Variants in TGFBR3 observed in about 807,000 individuals in gnomAD.
TGFBR3 encodes transforming growth factor beta receptor 3, also known as transforming growth factor beta receptor type 3.
Under a neutral mutation model 87.9 loss-of-function variants are expected in TGFBR3, and 46 were observed. The ratio of observed to expected loss-of-function variants is 0.52; its 90% CI spans 0.41 to 0.67. TGFBR3 has a LOEUF of 0.67. Ranked by LOEUF, TGFBR3 falls within the 30% of genes least tolerant of loss-of-function variation. The pLI is 0.00. For synonymous variants in TGFBR3, 381 were observed against 391.6 expected (o/e 0.97, Z 0.32); for missense variants, 866 against 1,041.9 (o/e 0.83, Z 2.32).
chr1:91,800,911 C>T (rs1429383621), intron 2 of TGFBR3: 3 of 196,064 alleles, frequency 1.5e-5, no homozygotes, highest in South Asian at 7.0e-5. Context: ...ATGGTAAACC[C>T]CGTGTCTACT....
chr1:91,873,475 T>TG (rs1235711777), intron 1 of TGFBR3, among the ~76,000 whole-genome samples: 1 of 151,534 alleles, frequency 6.6e-6, no homozygotes. Flanking sequence ...TTAGTAAAGA[T>TG]GGGGCTTTAC....
chr1:91,772,970 G>GA (rs1469909659), intron 3 of TGFBR3, among the ~76,000 whole-genome samples: 4 of 152,078 alleles, frequency 2.6e-5, no homozygotes, highest in Non-Finnish European at 5.9e-5. Flanking sequence ...CCCTCAAGGA[G>GA]AAAAAAAGTT....
At chr1:91,847,833 G>A (rs756647703) in intron 2 of TGFBR3, among the ~76,000 whole-genome samples, 2 of 151,932 alleles carry the variant, frequency 1.3e-5, no homozygotes. Flanking sequence ...CAATGACCCC[G>A]CCCTCAGTGA....
intron 2 of TGFBR3, among the ~76,000 whole-genome samples, chr1:91,850,232 A>G (rs978601328): frequency 1.3e-5 from 2 of 152,180 alleles, no homozygotes; most frequent in African/African-American, 4.8e-5. Flanking sequence ...CCAGACTACA[A>G]GTCTTCATCT....
chr1:91,683,813 AGGCTGGC>A lies in TGFBR3; in HGVS notation c.2475_2481del (p.Pro826ArgfsTer51). 1.2e-6 allele frequency: 2 copies of A among 1,609,142 alleles called. No individual in the cohort carries two copies. The highest frequency in any genetic ancestry group is 1.7e-6 in the Non-Finnish European group (2 of 1,178,240). On this transcript the variant is annotated frameshift_variant, in exon 17 of 17. Coordinates refer to ENST00000212355, the MANE Select transcript of TGFBR3 (RefSeq NM_003243.5). LOFTEE classifies it high-confidence loss of function. ...CTGTGGGCAGCACTGCTGTTTTCCG[AGGCTGGC>A]GGGGAGGTGGGGACTTGCTGCCTTC... is the stretch of plus-strand genomic sequence containing the variant.
At chr1:91,773,517 T>TA (rs1249283525) in intron 3 of TGFBR3, among the ~76,000 whole-genome samples, 1 of 152,024 alleles carries the variant, frequency 6.6e-6, no homozygotes, top group Non-Finnish European at 1.5e-5. Context: ...CCGTCTCTAC[T>TA]AAAAAATACA....
intron 4 of TGFBR3, among the ~76,000 whole-genome samples, chr1:91,740,947 G>A (rs558566951): frequency 6.6e-6 from 1 of 152,344 alleles, no homozygotes; most frequent in African/African-American, 2.4e-5. Flanking sequence ...ATAACTGCAA[G>A]AGTGTATAGG....
intron 10 of TGFBR3, among the ~76,000 whole-genome samples, chr1:91,717,168 G>GT (rs916522946): frequency 1.6e-4 from 24 of 152,076 alleles, no homozygotes; most frequent in Admixed American, 1.4e-3. Flanking sequence ...TCCTTTAAGA[G>GT]TTGTAGAAAG....
At chr1:91,799,824 G>A (rs1348981381) in intron 2 of TGFBR3, among the ~76,000 whole-genome samples, 1 of 152,022 alleles carries the variant, frequency 6.6e-6, no homozygotes, top group Non-Finnish European at 1.5e-5. Flanking sequence ...CTGGGGCAGG[G>A]GCAAAAACTC....
chr1:91,776,245 CTG>C (rs576779354), intron 3 of TGFBR3, among the ~76,000 whole-genome samples: 5 of 152,368 alleles, frequency 3.3e-5, no homozygotes, highest in African/African-American at 1.2e-4. Context: ...TCACTATCCA[CTG>C]TGTTTTTGTT....
At chr1:91,837,221 A>ATTATTAAT (rs1677096552) in intron 2 of TGFBR3, among the ~76,000 whole-genome samples, 1 of 149,326 alleles carries the variant, frequency 6.7e-6, no homozygotes, top group South Asian at 2.1e-4. Context: ...AAGTAAGGAT[A>ATTATTAAT]TTATTTATTT....
chr1:91,813,180 C>CTGATA (rs1676086897), intron 2 of TGFBR3, among the ~76,000 whole-genome samples: 1 of 152,138 alleles, frequency 6.6e-6, no homozygotes, highest in African/African-American at 2.4e-5. Flanking sequence ...TGCTGTAAAA[C>CTGATA]TGATACTGTA....
chr1:91,889,855 A>G (rs1231918169), upstream of TGFBR3, among the ~76,000 whole-genome samples: 5 of 145,380 alleles, frequency 3.4e-5, no homozygotes, highest in Non-Finnish European at 7.4e-5. Flanking sequence ...TGATATTTGT[A>G]TTTTCAGTAG....
chr1:91,789,388 A>G (rs1675102614), intron 3 of TGFBR3, among the ~76,000 whole-genome samples: 1 of 152,240 alleles, frequency 6.6e-6, no homozygotes, highest in Admixed American at 6.5e-5. Flanking sequence ...TCCAGCCAGC[A>G]TAGAACATAA....
intron 14 of TGFBR3, among the ~76,000 whole-genome samples, chr1:91,699,993 A>G (rs1044298289): frequency 7.9e-5 from 12 of 152,254 alleles, no homozygotes; most frequent in African/African-American, 2.9e-4. Context: ...TCAAAAAAGG[A>G]TATTTCATGA....
chr1:91,766,354 T>C (rs1405514703), intron 3 of TGFBR3: 1 of 152,106 alleles, frequency 6.6e-6, no homozygotes, highest in Non-Finnish European at 1.5e-5. Flanking sequence ...CTACATTTTA[T>C]AATGGGCTTC....
intron 1 of TGFBR3, among the ~76,000 whole-genome samples, chr1:91,902,385 C>T (rs954055101): frequency 6.6e-6 from 1 of 151,698 alleles, no homozygotes; most frequent in Non-Finnish European, 1.5e-5. Context: ...CTCAAGCAAT[C>T]CTCCCACCTT....
intron 5 of TGFBR3, among the ~76,000 whole-genome samples, chr1:91,734,341 C>T (rs1672882061): frequency 6.6e-6 from 1 of 152,190 alleles, no homozygotes; most frequent in Non-Finnish European, 1.5e-5. Context: ...CTCAGCACCA[C>T]AAACTGACAC....
At chr1:91,731,956 C>T (rs184348250) in intron 5 of TGFBR3, among the ~76,000 whole-genome samples, 4 of 152,276 alleles carry the variant, frequency 2.6e-5, no homozygotes, top group African/African-American at 4.8e-5. Flanking sequence ...GTTTCTCCCC[C>T]GCTCCCCAAT....
Sources: allele counts gnomAD v4.1 joint callset (sites outside exome capture counted in the v4.1 genomes callset), GRCh38; gene constraint gnomAD v4.1.1; transcripts MANE v1.5; gene names NCBI Gene and HGNC (gene_info 2026-07-23, HGNC 2026-07-21).